PSIP1: variants seen among roughly 807,000 people sequenced by gnomAD.
PSIP1 encodes the protein PC4 and SRSF1 interacting protein 1.
A neutral mutation model predicts 74.7 loss-of-function variants in PSIP1; 19 were observed. The ratio of observed to expected loss-of-function variants is 0.25; its 90% CI spans 0.18 to 0.37. The LOEUF (loss-of-function observed/expected upper bound fraction) is 0.37, where lower values mean the gene tolerates loss of function less well. Ranked by LOEUF, PSIP1 falls within the 10% of genes least tolerant of loss-of-function variation. The probability of loss-of-function intolerance (pLI) is 1.00; values close to 1 mark genes in which losing one functional copy is unlikely to be tolerated. For synonymous variants in PSIP1, 222 were observed against 195.3 expected, an observed-to-expected ratio of 1.14 and a Z score of -1.14; for missense variants, 601 against 614.3, an observed-to-expected ratio of 0.98 and a Z score of 0.23.
chr9:15,486,925 T>G lies in PSIP1; in HGVS notation c.295A>C (p.Thr99Pro). 1 of 1,603,658 alleles carries G rather than the reference T, an allele frequency of 6.2e-7. No homozygotes were observed. Among genetic ancestry groups the G allele is most frequent in the Non-Finnish European group, 8.5e-7 (1 of 1,172,826 alleles). Residue 99 changes from threonine (T) to proline (P), a missense_variant, in exon 5 of 16, where the codon ACT becomes CCT. Physicochemically the swap from Thr to Pro is conservative, Grantham distance 38. Coordinates refer to ENST00000380733, the MANE Select transcript of PSIP1 (RefSeq NM_033222.5). ...TCAGATGATGCATTTGATTGTTTAGTTGCTGCCTGTGAGCAATCAACTCTA... is the reference window on the plus strand; with the variant it reads ...TCAGATGATGCATTTGATTGTTTAGGTGCTGCCTGTGAGCAATCAACTCTA... ...KVKFSSQQAA[T>P]KQSNASSDVE...
intron 2 of PSIP1, among the ~76,000 whole-genome samples, chr9:15,508,041 G>C (rs1205720048): frequency 6.6e-6 from 1 of 152,176 alleles, no homozygotes; most frequent in Non-Finnish European, 1.5e-5. Flanking sequence ...ACAGCTTAAA[G>C]AGTTTATGCA....
chr9:15,505,074 GACC>G (rs1406224084), intron 3 of PSIP1: 1 of 151,590 alleles, frequency 6.6e-6, no homozygotes. Flanking sequence ...GAGTAGCTGG[GACC>G]ACATGTGTGT....
intron 2 of PSIP1, among the ~76,000 whole-genome samples, chr9:15,509,693 A>G (rs1030984144): frequency 2.0e-5 from 3 of 152,238 alleles, no homozygotes; most frequent in South Asian, 2.1e-4. Flanking sequence ...ATTTAATCAC[A>G]TACGCACTTC....
chr9:15,473,913 AAC>A (rs1353274079), intron 9 of PSIP1, 94 bp downstream of exon 9: 21 of 918,720 alleles, frequency 2.3e-5, no homozygotes, highest in African/African-American at 1.3e-4. Flanking sequence ...ACAAAAAAAA[AAC>A]AAAAAAAAAA....
chr9:15,510,622 G>A (rs950295305), intron 1 of PSIP1, among the ~76,000 whole-genome samples, 195 bp downstream of exon 1: 2 of 152,106 alleles, frequency 1.3e-5, no homozygotes, highest in Non-Finnish European at 2.9e-5. Context: ...GGGGGTGCAT[G>A]GGAGAGAAAA....
rs1434944011 is a variant in PSIP1 at position 15,474,099 on chromosome 9, T to G, written c.768A>C (p.Glu256Asp). 1.9e-6 allele frequency: 3 copies of G among 1,613,690 alleles called. No individual in the cohort carries two copies. The highest frequency in any genetic ancestry group is 1.3e-5 in the African/African-American group (1 of 74,890). Residue 256 changes from glutamate (E) to aspartate (D), a missense_variant, in exon 9 of 16, where the codon GAA becomes GAC. Physicochemically the swap from Glu to Asp is conservative, Grantham distance 45. Coordinates refer to ENST00000380733, the MANE Select transcript of PSIP1 (RefSeq NM_033222.5). Reference sequence around the variant, plus strand: ...CTAAATTTTTCCTTTTTGATTCAACTTCTTTCTTCCCCTCTTTTTTATCCG... The same window carrying G: ...CTAAATTTTTCCTTTTTGATTCAACGTCTTTCTTCCCCTCTTTTTTATCCG... ...KEPDKKEGKK[E>D]VESKRKNLAK...
At chr9:15,498,673 A>C (rs912233107) in intron 3 of PSIP1, among the ~76,000 whole-genome samples, 3 of 152,118 alleles carry the variant, frequency 2.0e-5, no homozygotes, top group African/African-American at 4.8e-5. Flanking sequence ...CATATAAAAA[A>C]ATCCTTAATA....
chr9:15,490,726 G>GT (rs2036794115), intron 3 of PSIP1, among the ~76,000 whole-genome samples: 1 of 150,464 alleles, frequency 6.6e-6, no homozygotes, highest in African/African-American at 2.4e-5. Context: ...ATAAATTTGG[G>GT]TTTTTTTAAA....
rs145156584 is a variant in PSIP1 at position 15,466,760 on chromosome 9, C to G, written c.1520G>C (p.Ser507Thr). The G allele has an allele frequency of 1.2e-5, 20 of 1,608,346 alleles. No homozygotes were observed. The highest frequency in any genetic ancestry group is 4.0e-5 in the African/African-American group (3 of 74,460). The change falls in exon 15 of 16, where the codon AGC (serine) becomes ACC (threonine). Residue 507 changes from serine (S) to threonine (T), a missense_variant. Physicochemically the swap from Ser to Thr is moderately conservative, Grantham distance 58. Coordinates refer to ENST00000380733, the MANE Select transcript of PSIP1 (RefSeq NM_033222.5). ...NEDSKDNHEA[S>T]TKKKPSSEER... ...ACCTATTCCTCACTTTTTCTTCGTG[C>G]TGGCTTCATGGTTGTCTTTGCTGTC...
chr9:15,477,687 GA>G (rs1407434217), intron 8 of PSIP1, among the ~76,000 whole-genome samples: 1 of 151,824 alleles, frequency 6.6e-6, no homozygotes, highest in Non-Finnish European at 1.5e-5. Context: ...GATCCAAGTA[GA>G]AAAGGCAGCA....
rs1260292573 is a variant in PSIP1 at position 15,464,869 on chromosome 9, A to G, written c.*651T>C. ...CAAAACTAAATTACCTTCAAAAATTAATGTTTTATAGTTTGTAGAATTCTC... is the reference window on the plus strand; with the variant it reads ...CAAAACTAAATTACCTTCAAAAATTGATGTTTTATAGTTTGTAGAATTCTC... On this transcript the variant is annotated 3_prime_UTR_variant, in exon 16 of 16. Transcript: ENST00000380733. The G allele has an allele frequency of 4.7e-6, 1 of 210,642 alleles. No homozygotes were observed. Among genetic ancestry groups the G allele is most frequent in the Non-Finnish European group, 9.6e-6 (1 of 103,768 alleles). The allele number at this position is 210,642 out of a possible 1,614,324, so 13.0% of individuals were successfully genotyped here. A position where few individuals can be genotyped will look rare whatever the true frequency, so the allele number is the denominator to read the frequency against.
intron 11 of PSIP1, 58 bp from the exon 12 acceptor site, chr9:15,469,394 T>G: frequency 9.4e-7 from 1 of 1,065,978 alleles, no homozygotes. Context: ...AGTATTTCTA[T>G]ATACAGGCTA....
intron 8 of PSIP1, among the ~76,000 whole-genome samples, chr9:15,477,437 G>A (rs192421952): frequency 7.2e-5 from 11 of 152,242 alleles, no homozygotes; most frequent in African/African-American, 2.4e-4. Flanking sequence ...CAGACTGGCA[G>A]TGAAACTCTT....
intron 6 of PSIP1, among the ~76,000 whole-genome samples, chr9:15,483,636 G>A (rs1481563178): frequency 1.3e-5 from 2 of 152,066 alleles, no homozygotes; most frequent in South Asian, 4.1e-4. Context: ...TCAAATCCAT[G>A]CCAAGTCCAG....
rs187620778 is a variant in PSIP1 at position 15,503,784 on chromosome 9, T to C, written c.149+2777A>G. On this transcript the variant is annotated intron_variant, in intron 3 of 15. Transcript: ENST00000380733. ...TTTTTAGAGACAGAGTCTCACTCTG[T>C]TGCCCAGGCTGGAGTGCAATGGCAC... Among the ~76,000 whole-genome samples, 168 of 152,342 alleles carry C rather than the reference T, an allele frequency of 1.1e-3. 1 individual carries two copies. The highest frequency in any genetic ancestry group is 6.5e-3 in the Admixed American group (99 of 15,308).
Position 15,502,472 on chromosome 9 carries a change from T to C in PSIP1, c.149+4089A>G, listed in dbSNP as rs2037393295. ...TTTTTTACCCCCCAAGACAGGGTCT[T>C]ACTATGTTACAAGCCAGATTTGAAC... On this transcript the variant is annotated intron_variant, in intron 3 of 15. Transcript: ENST00000380733. Among the ~76,000 whole-genome samples the C allele has an allele frequency of 3.9e-5, 6 of 152,162 alleles. No individual in the cohort carries two copies. The South Asian group carries it at 1.2e-3, about 32-fold the overall frequency.
At chr9:15,487,984 T>G (rs914595602) in intron 4 of PSIP1, among the ~76,000 whole-genome samples, 2 of 152,126 alleles carry the variant, frequency 1.3e-5, no homozygotes, top group African/African-American at 4.8e-5. Context: ...ATCTAAAAAG[T>G]TCTCCAAGGT....
At chr9:15,466,929 G>A (rs2035662987) in intron 14 of PSIP1, 70 bp from the exon 15 acceptor site, 3 of 1,171,482 alleles carry the variant, frequency 2.6e-6, no homozygotes, top group African/African-American at 3.1e-5. Flanking sequence ...GTCCACTAAA[G>A]ATCCAGAATC....
At chr9:15,485,141 C>T (rs929803875) in intron 6 of PSIP1, among the ~76,000 whole-genome samples, 1 of 152,160 alleles carries the variant, frequency 6.6e-6, no homozygotes, top group African/African-American at 2.4e-5. Flanking sequence ...TCAATCATTT[C>T]CCATCACTTC....
Sources: allele counts gnomAD v4.1 joint callset (sites outside exome capture counted in the v4.1 genomes callset), GRCh38; gene constraint gnomAD v4.1.1; transcripts MANE v1.5; gene names NCBI Gene and HGNC (gene_info 2026-07-23, HGNC 2026-07-21).